FTO: variants seen among roughly 807,000 people sequenced by gnomAD.
FTO encodes alpha-ketoglutarate-dependent dioxygenase FTO.
Under a neutral mutation model 63.9 loss-of-function variants are expected in FTO, and 47 were observed. That is an observed-to-expected ratio of 0.74 (90% confidence interval 0.58 to 0.94). The LOEUF (loss-of-function observed/expected upper bound fraction) is 0.94. Ranked by LOEUF, FTO falls within the 40% of genes least tolerant of loss-of-function variation. The pLI is 0.00. For synonymous variants in FTO, 207 were observed against 224.4 expected (o/e 0.92, Z 0.69); for missense variants, 562 against 618.1 (o/e 0.91, Z 0.96).
chr16:53,833,696 G>A (rs961153215), intron 3 of FTO, among the ~76,000 whole-genome samples: 20 of 152,270 alleles, frequency 1.3e-4, no homozygotes, highest in African/African-American at 4.8e-4. Context: ...ATTCTCGCTG[G>A]CAATGCGCAA....
intron 1 of FTO, among the ~76,000 whole-genome samples, chr16:53,719,132 A>G (rs539556052): frequency 6.6e-6 from 1 of 152,314 alleles, no homozygotes; most frequent in African/African-American, 2.4e-5. Context: ...TGCTAGTATC[A>G]TAAAATGACT....
intron 8 of FTO, among the ~76,000 whole-genome samples, chr16:54,019,839 C>T (rs1233611803): frequency 2.0e-5 from 3 of 152,088 alleles, no homozygotes; most frequent in Non-Finnish European, 2.9e-5. Context: ...CACTGCACAG[C>T]GTAGCATTTT....
chr16:53,722,999 C>A (rs1438431207), intron 1 of FTO, among the ~76,000 whole-genome samples: 3 of 152,166 alleles, frequency 2.0e-5, no homozygotes, highest in Admixed American at 1.3e-4. Flanking sequence ...TTTGCCATTT[C>A]ATCTACTGCT....
At chr16:53,883,657 G>A (rs1298083348) in intron 6 of FTO, among the ~76,000 whole-genome samples, 1 of 119,712 alleles carries the variant, frequency 8.4e-6, no homozygotes, top group East Asian at 2.8e-4. Flanking sequence ...AAACAAATTT[G>A]TCTGCTTCAG....
chr16:53,788,304 C>T (rs1323840838), intron 1 of FTO, among the ~76,000 whole-genome samples: 1 of 151,948 alleles, frequency 6.6e-6, no homozygotes, highest in African/African-American at 2.4e-5. Flanking sequence ...GCTTTTGATA[C>T]AGAATTGACC....
At chr16:53,940,648 A>G (rs752999320) in intron 8 of FTO, among the ~76,000 whole-genome samples, 97 of 152,350 alleles carry the variant, frequency 6.4e-4, no homozygotes, top group Non-Finnish European at 1.3e-3. Context: ...CATAGGAGAC[A>G]ACTTCATTTG....
chr16:53,805,596 A>G (rs531481238), intron 1 of FTO, among the ~76,000 whole-genome samples: 1 of 152,030 alleles, frequency 6.6e-6, no homozygotes, highest in African/African-American at 2.4e-5. Flanking sequence ...CTGCAAGTGC[A>G]CACCACCACG....
In FTO at chr16:53,843,325, AGT is replaced by A. The variant is rs1165468065; in HGVS notation, c.752-826_752-825del. ...TATTGCCAAATTGTCCTCTACAGAG[AGT>A]GTGAGTGTGCCATTTTACTGTACTC... On this transcript the variant is annotated intron_variant, in intron 3 of 8. Transcript: ENST00000471389. Among the ~76,000 whole-genome samples, 3 of 152,278 alleles carry A rather than the reference AGT, an allele frequency of 2.0e-5. No individual in the cohort carries two copies. The East Asian group carries it at 5.8e-4, about 29-fold the overall frequency.
chr16:53,871,999 T>G (rs1165986747), intron 4 of FTO, among the ~76,000 whole-genome samples: 1 of 152,198 alleles, frequency 6.6e-6, no homozygotes, highest in Admixed American at 6.5e-5. Flanking sequence ...AGTACTGAGA[T>G]TCCAGGCATG....
chr16:53,775,788 T>A (rs1192659576), intron 1 of FTO, among the ~76,000 whole-genome samples: 2 of 152,196 alleles, frequency 1.3e-5, no homozygotes, highest in African/African-American at 4.8e-5. Flanking sequence ...ATAGTCTGTT[T>A]TCTTTCTCAT....
chr16:53,730,879 G>T (rs1478863027), intron 1 of FTO, among the ~76,000 whole-genome samples: 1 of 152,080 alleles, frequency 6.6e-6, no homozygotes, highest in Non-Finnish European at 1.5e-5. Flanking sequence ...CTCTATTGTT[G>T]ACCAATTAGC....
At position 53,873,859 on chromosome 16, in the gene FTO, G is replaced by C. The variant is rs145299679; in HGVS notation, c.969G>C (p.Val323=). 12 of 1,611,242 alleles carry C rather than the reference G, an allele frequency of 7.4e-6. No homozygotes were observed. Among genetic ancestry groups the C allele is most frequent in the Non-Finnish European group, 1.0e-5 (12 of 1,177,850 alleles). ...SQPRFSSTHR[V]AECSTGTLDY... ...CTCGGTTTAGTTCCACCCACCGAGT[G>C]GCAGAGGTAAGTGTAAATAAAAATG... The change falls in exon 5 of 9, where the codon GTG becomes GTC. Residue 323 remains valine, a synonymous_variant. Coordinates refer to ENST00000471389, the MANE Select transcript of FTO (RefSeq NM_001080432.3).
intron 8 of FTO, among the ~76,000 whole-genome samples, chr16:54,002,829 G>A (rs62035809): frequency 2.2e-3 from 329 of 152,346 alleles, no homozygotes; most frequent in Non-Finnish European, 3.7e-3. Context: ...AAATAGTGCA[G>A]CCACTCTGGA....
chr16:54,027,455 G>A (rs1486670258), intron 8 of FTO, among the ~76,000 whole-genome samples: 6 of 151,590 alleles, frequency 4.0e-5, no homozygotes, highest in African/African-American at 1.2e-4. Flanking sequence ...CAGACAAAGC[G>A]AAAAGAAAAA....
chr16:53,794,460 C>T (rs1218145602), intron 1 of FTO, among the ~76,000 whole-genome samples: 1 of 152,164 alleles, frequency 6.6e-6, no homozygotes, highest in Non-Finnish European at 1.5e-5. Context: ...GATGGAGAAA[C>T]AGAAAGCTAG....
intron 8 of FTO, among the ~76,000 whole-genome samples, chr16:54,086,223 C>T (rs549816561): frequency 6.6e-6 from 1 of 152,134 alleles, no homozygotes; most frequent in African/African-American, 2.4e-5. Flanking sequence ...GTTATTGGAA[C>T]AAAAATAACC....
At chr16:53,887,772 A>G (rs979163942) in intron 6 of FTO, 3 of 152,062 alleles carry the variant, frequency 2.0e-5, no homozygotes, top group Non-Finnish European at 4.4e-5. Context: ...TACTAATATG[A>G]TTGCTACTCT....
intron 8 of FTO, among the ~76,000 whole-genome samples, chr16:54,079,786 T>C (rs2086095625): frequency 6.6e-6 from 1 of 152,214 alleles, no homozygotes; most frequent in African/African-American, 2.4e-5. Context: ...GTTACCGTCA[T>C]GGCAGAGTAT....
intron 8 of FTO, among the ~76,000 whole-genome samples, chr16:54,019,652 G>A (rs765279602): frequency 9.9e-5 from 15 of 152,088 alleles, no homozygotes; most frequent in Non-Finnish European, 1.9e-4. Flanking sequence ...TGGCATATAG[G>A]TTTCCTATGG....
Sources: allele counts gnomAD v4.1 joint callset (sites outside exome capture counted in the v4.1 genomes callset), GRCh38; gene constraint gnomAD v4.1.1; transcripts MANE v1.5; gene names NCBI Gene and HGNC (gene_info 2026-07-23, HGNC 2026-07-21).